DDX54: variants seen among roughly 807,000 people sequenced by gnomAD.
DDX54 encodes the protein DEAD-box helicase 54.
DDX54 carries 67 observed loss-of-function variants against 105.5 expected under a neutral mutation model. The observed-to-expected ratio is 0.64, with a 90% CI of 0.52 to 0.78. The LOEUF (loss-of-function observed/expected upper bound fraction) is 0.78. DDX54 is among the 30% of genes least tolerant of loss of function. DDX54 has a pLI of 0.00. For missense variants in DDX54, 1,206 were observed against 1,230.5 expected (o/e 0.98, Z 0.30); for synonymous variants, 514 against 509.9 (o/e 1.01, Z -0.11).
chr12:113,164,615 G>A (rs1384122531), intron 14 of DDX54, among the ~76,000 whole-genome samples: 1 of 152,182 alleles, frequency 6.6e-6, no homozygotes, highest in Non-Finnish European at 1.5e-5. Context: ...TTAGGAGGCT[G>A]AGGCAGGAGA....
intron 19 of DDX54, among the ~76,000 whole-genome samples, chr12:113,160,246 C>T (rs574126496): frequency 9.8e-4 from 149 of 152,130 alleles, no homozygotes; most frequent in African/African-American, 3.4e-3. Context: ...CACAGAGACA[C>T]CCAGGGGAGG....
Position 113,177,039 on chromosome 12 carries a change from T to A in DDX54, c.656+13A>T. On this transcript the variant is annotated intron_variant, in intron 6 of 19. Transcript: ENST00000306014. ...AGGGATCTCAGGGAGTCATCCCCAA[T>A]CCACAAACTCACATGTCGGGATTTT... The A allele has an allele frequency of 6.2e-7, 1 of 1,614,060 alleles. No homozygotes were observed. Among genetic ancestry groups the A allele is most frequent in the Non-Finnish European group, 8.5e-7 (1 of 1,179,996 alleles).
chr12:113,175,179 C>G (rs1408997165), intron 7 of DDX54, 22 bp from the exon 8 acceptor site: 1 of 1,584,028 alleles, frequency 6.3e-7, no homozygotes, highest in Non-Finnish European at 8.6e-7. Flanking sequence ...GAGGGCAGGA[C>G]TGGGTCAGAG....
chr12:113,181,896 GT>G (rs1032359438), intron 1 of DDX54, among the ~76,000 whole-genome samples: 1 of 151,954 alleles, frequency 6.6e-6, no homozygotes, highest in Non-Finnish European at 1.5e-5. Context: ...GCTCACGCCT[GT>G]AATCCCAGCA....
intron 5 of DDX54, 89 bp from the exon 6 acceptor site, chr12:113,177,182 C>T (rs1952414665): frequency 3.4e-6 from 5 of 1,484,260 alleles, no homozygotes; most frequent in South Asian, 2.4e-5. Flanking sequence ...GCTGCACACC[C>T]CATCCCCAGG....
intron 7 of DDX54, among the ~76,000 whole-genome samples, chr12:113,175,796 A>AG (rs1952395626): frequency 6.6e-6 from 1 of 152,030 alleles, no homozygotes; most frequent in Non-Finnish European, 1.5e-5. Context: ...CTCAAAAAAA[A>AG]AAAAAAATTA....
chr12:113,168,418 C>T (rs925942479), intron 12 of DDX54, among the ~76,000 whole-genome samples: 1 of 152,232 alleles, frequency 6.6e-6, no homozygotes, highest in African/African-American at 2.4e-5. Context: ...CTGCTGTGTG[C>T]ATGCGGGTAG....
rs137993165 is a variant in DDX54, at chr12:113,162,802, G to GCTCA, written c.2195+126_2195+129dup. On this transcript the variant is annotated intron_variant, in intron 17 of 19. Transcript: ENST00000306014. ...CACTCACCCCGGGCATGGAGGGGCGGCTCACTCACTCACTCACCCCGGGCA... is the reference window on the plus strand; with the variant it reads ...CACTCACCCCGGGCATGGAGGGGCGGCTCACTCACTCACTCACTCACCCCGGGCA... 5.7e-5 allele frequency: 49 copies of GCTCA among 859,654 alleles called. 1 individual carries two copies. The highest frequency in any genetic ancestry group is 7.8e-5 in the Non-Finnish European group (45 of 576,368). The allele number at this position is 859,654 out of a possible 1,614,324, so 53.3% of individuals were successfully genotyped here.
In DDX54 at chr12:113,171,293, C is replaced by T. The variant is rs149833478; in HGVS notation, c.1279+1060G>A. Among the ~76,000 whole-genome samples, 29 of 152,248 alleles carry T rather than the reference C, an allele frequency of 1.9e-4. No homozygotes were observed. In the East Asian group the frequency reaches 5.2e-3, roughly 27 times the overall value. On this transcript the variant is annotated intron_variant, in intron 11 of 19. Coordinates refer to ENST00000306014, the MANE Select transcript of DDX54 (RefSeq NM_024072.4). ...AGATTTTGTCTGACGGATAGAGCTT[C>T]AATTTTGCAAGATGGAAAAGTTCTG...
At chr12:113,181,178 ATCACG>A (rs1182428956) in intron 1 of DDX54, 120 bp from the exon 2 acceptor site, 7 of 1,256,820 alleles carry the variant, frequency 5.6e-6, no homozygotes, top group Non-Finnish European at 1.1e-6. Flanking sequence ...CTTCCGCCAG[ATCACG>A]TCACTTTTTT....
At chr12:113,177,354 T>A in intron 5 of DDX54, 1 of 437,238 alleles carries the variant, frequency 2.3e-6, no homozygotes, top group Non-Finnish European at 4.1e-6. Flanking sequence ...TCACTCCTTC[T>A]GTTGTTCCAG....
chr12:113,180,068 CT>C, intron 2 of DDX54, 63 bp from the exon 3 acceptor site: 1 of 1,483,720 alleles, frequency 6.7e-7, no homozygotes, highest in Non-Finnish European at 9.4e-7. Context: ...CCCCAGAGAA[CT>C]TTACAGGACA....
intron 19 of DDX54, among the ~76,000 whole-genome samples, chr12:113,159,776 C>T (rs1198930628): frequency 6.6e-6 from 1 of 152,154 alleles, no homozygotes; most frequent in Non-Finnish European, 1.5e-5. Flanking sequence ...GCCCCAGCCC[C>T]ACAGGTGGGC....
chr12:113,157,265 T>C lies in DDX54; in HGVS notation c.*1612A>G. On this transcript the variant is annotated 3_prime_UTR_variant, in exon 20 of 20. Coordinates refer to ENST00000306014, the MANE Select transcript of DDX54 (RefSeq NM_024072.4). ...GGAGAGCCACCCACGGAGATAAGAG[T>C]AGGTCACAAACCAATGAATATGACT... is the stretch of plus-strand genomic sequence containing the variant. 3.4e-6 allele frequency: 1 copy of C among 294,858 alleles called. No individual in the cohort carries two copies. The highest frequency in any genetic ancestry group is 5.9e-5 in the East Asian group (1 of 16,902). 18.3% of individuals were successfully genotyped at this position (294,858 alleles called of 1,614,324 possible). A position where few individuals can be genotyped will look rare whatever the true frequency, so the allele number is the denominator to read the frequency against.
At chr12:113,176,306 G>A (rs563902786) in intron 7 of DDX54, among the ~76,000 whole-genome samples, 67 of 152,294 alleles carry the variant, frequency 4.4e-4, no homozygotes, top group African/African-American at 1.4e-3. Flanking sequence ...TGTGGCTCCC[G>A]CCTGTAATCC....
intron 1 of DDX54, among the ~76,000 whole-genome samples, chr12:113,184,206 A>G (rs1393670136): frequency 1.3e-5 from 2 of 151,970 alleles, no homozygotes; most frequent in Non-Finnish European, 2.9e-5. Context: ...TCAGCCTCCT[A>G]AAGTGCTGGG....
Position 113,166,037 on chromosome 12 carries a change from A to C in DDX54, c.1415-5T>G, listed in dbSNP as rs768077579. The C allele has an allele frequency of 1.9e-6, 3 of 1,599,024 alleles. No homozygotes were observed. Among genetic ancestry groups the C allele is most frequent in the Middle Eastern group, 1.9e-4 (1 of 5,166 alleles). ...TGCCATCCACACCGGCCACACCTGC[A>C]CCCCACACAGCACCTTGTCAGAGGT... On this transcript the variant is annotated splice_region_variant and splice_polypyrimidine_tract_variant and intron_variant, in intron 12 of 19. Coordinates refer to ENST00000306014, the MANE Select transcript of DDX54 (RefSeq NM_024072.4).
At chr12:113,175,007 G>A (rs1257404600) in intron 8 of DDX54, 29 bp downstream of exon 8, 1 of 1,596,580 alleles carries the variant, frequency 6.3e-7, no homozygotes. Context: ...CTGACCCCCA[G>A]CCCCCATCTC....
chr12:113,184,016 G>A (rs573774500), intron 1 of DDX54, among the ~76,000 whole-genome samples: 1 of 152,144 alleles, frequency 6.6e-6, no homozygotes, highest in African/African-American at 2.4e-5. Flanking sequence ...GTGCAATATC[G>A]GCTCACTGCA....
Sources: allele counts gnomAD v4.1 joint callset (sites outside exome capture counted in the v4.1 genomes callset), GRCh38; gene constraint gnomAD v4.1.1; transcripts MANE v1.5; gene names NCBI Gene and HGNC (gene_info 2026-07-23, HGNC 2026-07-21).